CLASP1: variants seen among roughly 807,000 people sequenced by gnomAD.
CLASP1 encodes CLIP-associating protein 1.
CLASP1 carries 38 observed loss-of-function variants against 192.3 expected under a neutral mutation model. The observed-to-expected ratio is 0.20, with a 90% CI of 0.15 to 0.26. CLASP1 has a LOEUF of 0.26. CLASP1 is among the 10% of genes least tolerant of loss of function. The pLI is 1.00. For synonymous variants in CLASP1, 691 were observed against 712.8 expected, an observed-to-expected ratio of 0.97 and a Z score of 0.49; for missense variants, 1,433 against 1,932.5, an observed-to-expected ratio of 0.74 and a Z score of 4.85.
chr2:121,537,282 C>T (rs970981141), intron 2 of CLASP1, among the ~76,000 whole-genome samples: 5 of 151,864 alleles, frequency 3.3e-5, no homozygotes, highest in Non-Finnish European at 7.4e-5. Flanking sequence ...GTCTCAGCTA[C>T]TCGCATCGCT....
chr2:121,612,986 T>C lies in CLASP1; in HGVS notation c.-285-6806A>G, dbSNP rs74882735. ...AAAAAAAGTTCAATTTTCATAATTTTCCAAAAGAATATGAGAGACATTAAA... is the reference window on the plus strand; with the variant it reads ...AAAAAAAGTTCAATTTTCATAATTTCCCAAAAGAATATGAGAGACATTAAA... On this transcript the variant is annotated intron_variant, in intron 1 of 39. Coordinates refer to ENST00000263710, the Ensembl canonical transcript of CLASP1. 2.5e-3 allele frequency among the ~76,000 whole-genome samples: 383 copies of C among 152,338 alleles called. 4 individuals are homozygous for C. Among genetic ancestry groups the C allele is most frequent in the African/African-American group, 8.7e-3 (362 of 41,576 alleles).
At chr2:121,592,700 G>A (rs1450625682) in intron 2 of CLASP1, among the ~76,000 whole-genome samples, 2 of 152,144 alleles carry the variant, frequency 1.3e-5, no homozygotes, top group Non-Finnish European at 2.9e-5. Context: ...CACCCAGGCT[G>A]TAGTGCAGTG....
intron 19 of CLASP1, among the ~76,000 whole-genome samples, chr2:121,433,136 A>G (rs536005446): frequency 6.6e-6 from 1 of 152,142 alleles, no homozygotes; most frequent in Non-Finnish European, 1.5e-5. Flanking sequence ...AGCCTGGCCA[A>G]CGTGGAGAAA....
intron 1 of CLASP1, among the ~76,000 whole-genome samples, chr2:121,617,403 C>T (rs1167374658): frequency 6.6e-6 from 1 of 152,180 alleles, no homozygotes; most frequent in Non-Finnish European, 1.5e-5. Flanking sequence ...AGCTCACATG[C>T]CTTTCATCAA....
At chr2:121,611,485 G>A (rs2105980614) in intron 1 of CLASP1, among the ~76,000 whole-genome samples, 2 of 140,640 alleles carry the variant, frequency 1.4e-5, no homozygotes, top group South Asian at 2.4e-4. Context: ...GGAGGCGTTG[G>A]AGGAGTTACA....
At chr2:121,554,065 A>C (rs1439243035) in intron 2 of CLASP1, among the ~76,000 whole-genome samples, 1 of 151,146 alleles carries the variant, frequency 6.6e-6, no homozygotes, top group Non-Finnish European at 1.5e-5. Context: ...AAAAAAAAAA[A>C]CTTAGATGTG....
intron 7 of CLASP1, among the ~76,000 whole-genome samples, chr2:121,504,728 A>G (rs992944109): frequency 6.6e-6 from 1 of 152,226 alleles, no homozygotes; most frequent in African/African-American, 2.4e-5. Context: ...GAGGGGGATG[A>G]ACCAGCCTGA....
chr2:121,425,116 C>G, intron 22 of CLASP1, 23 bp downstream of exon 22: 1 of 1,586,744 alleles, frequency 6.3e-7, no homozygotes, highest in South Asian at 1.1e-5. Context: ...GAATGGTATT[C>G]CAAGATCTTT....
rs1559368025 is a variant in CLASP1, at chr2:121,478,837, CCACACA to C, written c.713-8883_713-8878del. ...CCCACACACAACCACACACCACACA[CCACACA>C]CACACCACACACCACACCACACACA... On this transcript the variant is annotated intron_variant, in intron 8 of 39. Coordinates refer to ENST00000263710, the Ensembl canonical transcript of CLASP1. 3.2e-5 allele frequency among the ~76,000 whole-genome samples: 3 copies of C among 94,322 alleles called. No individual in the cohort carries two copies. In the East Asian group the frequency reaches 1.2e-3, roughly 39 times the overall value. The allele number at this position is 94,322 out of a possible 152,430, so 61.9% of individuals were successfully genotyped here. A position where few individuals can be genotyped will look rare whatever the true frequency, so the allele number is the denominator to read the frequency against.
rs986844349 is a variant in CLASP1 at position 121,493,620 on chromosome 2, G to A, written c.712+9547C>T. Among the ~76,000 whole-genome samples, 3 of 151,866 alleles carry A rather than the reference G, an allele frequency of 2.0e-5. No homozygotes were observed. In the East Asian group the frequency reaches 5.8e-4, roughly 29 times the overall value. ...TTTTCAGTAACACCCCACAAGTATG[G>A]GCAACCAAAGCAAACAATCAACAAA... is the stretch of plus-strand genomic sequence containing the variant. On this transcript the variant is annotated intron_variant, in intron 8 of 39. Coordinates refer to ENST00000263710, the Ensembl canonical transcript of CLASP1.
At chr2:121,478,963 C>CCACA (rs1559369903) in intron 8 of CLASP1, among the ~76,000 whole-genome samples, 1 of 50,382 alleles carries the variant, frequency 2.0e-5, no homozygotes, top group African/African-American at 8.5e-5. Context: ...CACACACACA[C>CCACA]CACACACACC....
Position 121,530,994 on chromosome 2 carries a change from C to CAATTTTTGGAA in CLASP1, c.196-680_196-670dup, listed in dbSNP as rs1559535214. The stretch of plus-strand genomic sequence containing the variant: ...CTAGAGCTTTTGCTTTATTTTGGTG[C>CAATTTTTGGAA]AATTTTTGGAAAAATGAAAACCTGT... On this transcript the variant is annotated intron_variant, in intron 2 of 39. Transcript: ENST00000263710. 1.1e-5 allele frequency: 8 copies of CAATTTTTGGAA among 700,076 alleles called. No individual in the cohort carries two copies. Among genetic ancestry groups the CAATTTTTGGAA allele is most frequent in the Non-Finnish European group, 1.8e-5 (7 of 384,726 alleles). 43.4% of individuals were successfully genotyped at this position (700,076 alleles called of 1,614,324 possible). A position where few individuals can be genotyped will look rare whatever the true frequency, so the allele number is the denominator to read the frequency against.
chr2:121,526,474 T>C (rs1346020944), intron 5 of CLASP1, among the ~76,000 whole-genome samples: 2 of 152,336 alleles, frequency 1.3e-5, no homozygotes, highest in Non-Finnish European at 2.9e-5. Flanking sequence ...AAATAGCCTT[T>C]GTGAATAAAA....
At chr2:121,578,449 G>C (rs2060774264) in intron 2 of CLASP1, among the ~76,000 whole-genome samples, 1 of 141,392 alleles carries the variant, frequency 7.1e-6, no homozygotes, top group African/African-American at 2.5e-5. Context: ...AAAAAAAAGG[G>C]CCAGGTGCAG....
At chr2:121,358,408 A>G (rs996474268) in intron 37 of CLASP1, among the ~76,000 whole-genome samples, 9 of 152,234 alleles carry the variant, frequency 5.9e-5, no homozygotes, top group Non-Finnish European at 1.0e-4. Flanking sequence ...CATGCAGTAT[A>G]TTATTTCCCA....
chr2:121,620,969 T>C (rs2067240041), intron 1 of CLASP1, among the ~76,000 whole-genome samples: 1 of 152,206 alleles, frequency 6.6e-6, no homozygotes, highest in Non-Finnish European at 1.5e-5. Flanking sequence ...GGCTCACACC[T>C]GTAATCCCGG....
chr2:121,521,729 C>T (rs1459690091), intron 6 of CLASP1, among the ~76,000 whole-genome samples: 6 of 152,144 alleles, frequency 3.9e-5, no homozygotes, highest in East Asian at 1.9e-4. Flanking sequence ...CTTTGTTAGC[C>T]GCTGCCTGAA....
At chr2:121,483,655 G>A (rs1259635857) in intron 8 of CLASP1, among the ~76,000 whole-genome samples, 1 of 151,342 alleles carries the variant, frequency 6.6e-6, no homozygotes, top group Admixed American at 6.6e-5. Context: ...TGTTTTTTTG[G>A]TGCAATGTTC....
At chr2:121,360,240 A>T (rs1249084445) in intron 37 of CLASP1, among the ~76,000 whole-genome samples, 1 of 152,166 alleles carries the variant, frequency 6.6e-6, no homozygotes, top group East Asian at 1.9e-4. Flanking sequence ...TTTGTCTGGG[A>T]ATATAAAACC....
Sources: allele counts gnomAD v4.1 joint callset (sites outside exome capture counted in the v4.1 genomes callset), GRCh38; gene constraint gnomAD v4.1.1; transcripts MANE v1.5; gene names NCBI Gene and HGNC (gene_info 2026-07-23, HGNC 2026-07-21).